MRPL11: variants seen among roughly 807,000 people sequenced by gnomAD.
MRPL11 encodes the protein large ribosomal subunit protein uL11m.
A neutral mutation model predicts 19.1 loss-of-function variants in MRPL11; 21 were observed. The ratio of observed to expected loss-of-function variants is 1.10; its 90% CI spans 0.78 to 1.58. The LOEUF is 1.58. MRPL11 is among the 40% of genes most tolerant of loss of function. The pLI, the probability that MRPL11 is intolerant of heterozygous loss-of-function variation, is 0.00. For synonymous variants in MRPL11, 108 were observed against 99.7 expected (o/e 1.08, Z -0.49); for missense variants, 242 against 243.9 (o/e 0.99, Z 0.05).
In MRPL11 at chr11:66,438,677, T is replaced by C; in HGVS notation, c.78A>G (p.Ala26=). The C allele has an allele frequency of 6.3e-7, 1 of 1,576,470 alleles. No homozygotes were observed. The highest frequency in any genetic ancestry group is 8.6e-7 in the Non-Finnish European group (1 of 1,159,492). The part of the protein sequence containing the change: ...VGGVIRAIVR[A]GLAMPGPPLG... The stretch of plus-strand genomic sequence containing the variant: ...GTGGGGGCCCGGGCATGGCCAGGCC[T>C]GCCCGCACGATCGCCCGGATCACAC... The change falls in exon 1 of 5, where the codon GCA becomes GCG. Residue 26 remains alanine (A), a synonymous_variant. Coordinates refer to ENST00000310999, the MANE Select transcript of MRPL11 (RefSeq NM_016050.5).
rs1220754351 is a variant in MRPL11 at position 66,435,570 on chromosome 11, T to G, written c.*437A>C. 1 of 157,960 alleles carries G rather than the reference T, an allele frequency of 6.3e-6. No individual in the cohort carries two copies. Among genetic ancestry groups the G allele is most frequent in the Middle Eastern group, 3.1e-3 (1 of 318 alleles). 9.8% of individuals were successfully genotyped at this position (157,960 alleles called of 1,614,324 possible). A position where few individuals can be genotyped will look rare whatever the true frequency, so the allele number is the denominator to read the frequency against. On this transcript the variant is annotated 3_prime_UTR_variant, in exon 5 of 5. Transcript: ENST00000310999. ...GCCCTAGCAACCATAGTTCCCACCCTGGGGAGGGGAAGAACACAGGATTTC... is the reference window on the plus strand; with the variant it reads ...GCCCTAGCAACCATAGTTCCCACCCGGGGGAGGGGAAGAACACAGGATTTC...
rs1565247463 is a variant in MRPL11 at position 66,437,283 on chromosome 11, G to T, written c.314-20C>A. ...CTTTCCCTGGGAGGAAGGAACAAGT[G>T]GCTCTTCAGGTGTTACTGCTTCCTT... On this transcript the variant is annotated intron_variant, in intron 3 of 4. Coordinates refer to ENST00000310999, the MANE Select transcript of MRPL11 (RefSeq NM_016050.5). 1 of 1,614,010 alleles carries T rather than the reference G, an allele frequency of 6.2e-7. No individual in the cohort carries two copies. The highest frequency in any genetic ancestry group is 1.7e-5 in the Admixed American group (1 of 60,012).
In MRPL11 at chr11:66,435,445, G is replaced by A. The variant is rs1040070343; in HGVS notation, c.*562C>T. The A allele has an allele frequency of 6.6e-6, 1 of 152,272 alleles. No individual in the cohort carries two copies. Among genetic ancestry groups the A allele is most frequent in the African/African-American group, 2.4e-5 (1 of 41,268 alleles). 9.4% of individuals were successfully genotyped at this position (152,272 alleles called of 1,614,324 possible). ...TACTCCATGTAGTAACCCTGCCTGG[G>A]GCTGAACTGAGATCTCCACAGGGAC... On this transcript the variant is annotated 3_prime_UTR_variant, in exon 5 of 5. Coordinates refer to ENST00000310999, the MANE Select transcript of MRPL11 (RefSeq NM_016050.5).
intron 3 of MRPL11, 35 bp downstream of exon 3, chr11:66,437,315 C>T (rs764304442): frequency 4.3e-6 from 7 of 1,613,816 alleles, no homozygotes; most frequent in Non-Finnish European, 5.9e-6. Flanking sequence ...CCTTCTGGAG[C>T]CCCCAGAATC....
intron 4 of MRPL11, chr11:66,436,833 C>G (rs531440432): frequency 6.2e-7 from 1 of 1,613,936 alleles, no homozygotes; most frequent in African/African-American, 1.3e-5. Flanking sequence ...ACGACAGACC[C>G]AGGTCACACT....
At position 66,437,804 on chromosome 11, in the gene MRPL11, G is replaced by A. The variant is rs749314441; in HGVS notation, c.219+360C>T. ...CAGGAGAATTGCTTGAACCCGGGAG[G>A]AGGAGATTGCAGTGAGCGGAGATCG... On this transcript the variant is annotated intron_variant, in intron 2 of 4. Transcript: ENST00000310999. Among the ~76,000 whole-genome samples the A allele has an allele frequency of 1.2e-4, 18 of 152,262 alleles. No homozygotes were observed. In the South Asian group the frequency reaches 1.2e-3, roughly 11 times the overall value.
chr11:66,436,938 T>A (rs774053199), intron 4 of MRPL11, 166 bp downstream of exon 4: 1 of 1,601,418 alleles, frequency 6.2e-7, no homozygotes, highest in South Asian at 1.1e-5. Flanking sequence ...CCAATAAGAG[T>A]ATTCCAGATC....
intron 2 of MRPL11, 123 bp from the exon 3 acceptor site, chr11:66,437,566 GA>G (rs1398626349): frequency 1.2e-6 from 1 of 854,482 alleles, no homozygotes; most frequent in East Asian, 2.6e-5. Context: ...AAAGACCACA[GA>G]ATCACAAGAA....
At chr11:66,438,572 C>T (rs1379937340) in intron 1 of MRPL11, 60 bp downstream of exon 1, 1 of 1,485,516 alleles carries the variant, frequency 6.7e-7, no homozygotes. Flanking sequence ...GCCCTCCATC[C>T]GCGTCCTAGC....
rs185221280 is a variant in MRPL11 at position 66,436,148 on chromosome 11, T to C, written c.474-36A>G. ...AAAAAGACAAATGGTTGGCGCATGA[T>C]TGGTCACCAGTGGGAGCTCACAGGA... is the stretch of plus-strand genomic sequence containing the variant. On this transcript the variant is annotated intron_variant, in intron 4 of 4. Coordinates refer to ENST00000310999, the MANE Select transcript of MRPL11 (RefSeq NM_016050.5). 22 of 1,582,794 alleles carry C rather than the reference T, an allele frequency of 1.4e-5. No individual in the cohort carries two copies. The East Asian group carries it at 3.6e-4, about 26-fold the overall frequency.
Position 66,436,062 on chromosome 11 carries a change from A to G in MRPL11, c.524T>C (p.Leu175Pro). The G allele has an allele frequency of 6.2e-7, 1 of 1,614,076 alleles. No individual in the cohort carries two copies. Among genetic ancestry groups the G allele is most frequent in the Non-Finnish European group, 8.5e-7 (1 of 1,179,988 alleles). ...CAAATCTGCCTCCTTCTGAGCAGCC[A>G]GGAAGATGGCTCGTTCCTTCTGGAA... Reference protein sequence around the residue: ...AAFQKERAIFLAAQKEADLAA... With the variant: ...AAFQKERAIFPAAQKEADLAA... The change falls in exon 5 of 5, where the codon CTG becomes CCG. Residue 175 changes from leucine (L) to proline (P), a missense_variant. Transcript: ENST00000310999.
Position 66,438,616 on chromosome 11 carries a change from C to T in MRPL11, c.123+16G>A. On this transcript the variant is annotated intron_variant, in intron 1 of 4. Transcript: ENST00000310999. The stretch of plus-strand genomic sequence containing the variant: ...TCCTAGACAACCCCCACGTCGGGTT[C>T]CCGCCACGGCCGCACCTGACCCAGC... 1 of 1,495,118 alleles carries T rather than the reference C, an allele frequency of 6.7e-7. No individual in the cohort carries two copies. The highest frequency in any genetic ancestry group is 8.9e-7 in the Non-Finnish European group (1 of 1,122,192). 92.6% of individuals were successfully genotyped at this position (1,495,118 alleles called of 1,614,324 possible). A position where few individuals can be genotyped will look rare whatever the true frequency, so the allele number is the denominator to read the frequency against.
chr11:66,436,280 C>T (rs751916203), intron 4 of MRPL11, among the ~76,000 whole-genome samples, 168 bp from the exon 5 acceptor site: 3 of 152,140 alleles, frequency 2.0e-5, no homozygotes, highest in Non-Finnish European at 4.4e-5. Flanking sequence ...CTCATTTCCT[C>T]TCCAGGGACA....
At position 66,438,656 on chromosome 11, in the gene MRPL11, G is replaced by A; in HGVS notation, c.99C>T (p.Pro33=). ...IVRAGLAMPG[P]PLGPVLGQRG... is the part of the protein sequence containing the mutation. ...CCTGACCCAGCACTGGGCCTAGTGG[G>A]GGCCCGGGCATGGCCAGGCCTGCCC... The change falls in exon 1 of 5, where the codon CCC becomes CCT. Residue 33 remains proline (P), a synonymous_variant. Transcript: ENST00000310999. The A allele has an allele frequency of 6.4e-7, 1 of 1,559,098 alleles. No homozygotes were observed. The highest frequency in any genetic ancestry group is 8.7e-7 in the Non-Finnish European group (1 of 1,150,490).
Position 66,438,245 on chromosome 11 carries a change from G to A in MRPL11, c.138C>T (p.Ile46=). 2 of 1,613,716 alleles carry A rather than the reference G, an allele frequency of 1.2e-6. No homozygotes were observed. Among genetic ancestry groups the A allele is most frequent in the Non-Finnish European group, 8.5e-7 (1 of 1,179,624 alleles). Residue 46 remains isoleucine (I), a synonymous_variant, in exon 2 of 5, where the codon ATC becomes ATT. Coordinates refer to ENST00000310999, the MANE Select transcript of MRPL11 (RefSeq NM_016050.5). ...GPVLGQRGVS[I]NQFCKEFNER... ...CATTGAACTCCTTGCAAAACTGGTTGATGGAAACGCCTCTCTGTGAGGGAA... is the reference window on the plus strand; with the variant it reads ...CATTGAACTCCTTGCAAAACTGGTTAATGGAAACGCCTCTCTGTGAGGGAA...
At chr11:66,436,709 C>T (rs930633401) in intron 4 of MRPL11, 16 of 797,670 alleles carry the variant, frequency 2.0e-5, no homozygotes, top group Admixed American at 8.7e-5. Flanking sequence ...TGAAGTCATC[C>T]GAAGCCCCAT....
At chr11:66,438,105 C>G in intron 2 of MRPL11, 59 bp downstream of exon 2, 1 of 1,286,460 alleles carries the variant, frequency 7.8e-7, no homozygotes, top group Non-Finnish European at 1.1e-6. Flanking sequence ...GATGACCAGT[C>G]CCAGGGCCGA....
Position 66,437,366 on chromosome 11 carries a change from C to T in MRPL11, c.297G>A (p.Lys99=). Residue 99 remains lysine (K), a synonymous_variant, in exon 3 of 5, where the codon AAG becomes AAA. Coordinates refer to ENST00000310999, the MANE Select transcript of MRPL11 (RefSeq NM_016050.5). ...YFLKAAAGIE[K]GARQTGKEVA... ...GGCCCTCACCTGTTTGCCGGGCCCCCTTTTCAATCCCAGCTGCTGCCTTCA... is the reference window on the plus strand; with the variant it reads ...GGCCCTCACCTGTTTGCCGGGCCCCTTTTTCAATCCCAGCTGCTGCCTTCA... 6.2e-7 allele frequency: 1 copy of T among 1,614,194 alleles called. No individual in the cohort carries two copies. Among genetic ancestry groups the T allele is most frequent in the South Asian group, 1.1e-5 (1 of 91,078 alleles).
chr11:66,438,389 C>G lies in MRPL11; in HGVS notation c.124-130G>C. ...CATCTGTACCCAGATTCAACTACCC[C>G]TCCGTGAGCCAGAAGATCGTACGCA... On this transcript the variant is annotated intron_variant, in intron 1 of 4. Coordinates refer to ENST00000310999, the MANE Select transcript of MRPL11 (RefSeq NM_016050.5). 4 of 894,680 alleles carry G rather than the reference C, an allele frequency of 4.5e-6. No individual in the cohort carries two copies. The South Asian group carries it at 6.0e-5, about 13-fold the overall frequency. 55.4% of individuals were successfully genotyped at this position (894,680 alleles called of 1,614,324 possible).
Sources: allele counts gnomAD v4.1 joint callset (sites outside exome capture counted in the v4.1 genomes callset), GRCh38; gene constraint gnomAD v4.1.1; transcripts MANE v1.5; gene names NCBI Gene and HGNC (gene_info 2026-07-23, HGNC 2026-07-21).